Variants in SKI observed in about 807,000 individuals in gnomAD.
The protein encoded by SKI is ski oncogene.
A neutral mutation model predicts 59.3 loss-of-function variants in SKI; 23 were observed. The observed-to-expected ratio is 0.39, with a 90% CI of 0.28 to 0.55. SKI has a LOEUF of 0.55. Ranked by LOEUF, SKI falls within the 20% of genes least tolerant of loss-of-function variation. The pLI, the probability that SKI is intolerant of heterozygous loss-of-function variation, is 0.67. For synonymous variants in SKI, 673 were observed against 488.6 expected (o/e 1.38, Z -4.98); for missense variants, 1,017 against 1,038.9 (o/e 0.98, Z 0.29).
In SKI at chr1:2,307,686, A is replaced by AT. The variant is rs1640631375; in HGVS notation, c.*926dup. 1 of 152,058 alleles carries AT rather than the reference A, an allele frequency of 6.6e-6. No homozygotes were observed. The highest frequency in any genetic ancestry group is 1.5e-5 in the Non-Finnish European group (1 of 67,942). The allele number at this position is 152,058 out of a possible 1,614,324, so 9.4% of individuals were successfully genotyped here. On this transcript the variant is annotated 3_prime_UTR_variant, in exon 7 of 7. Coordinates refer to ENST00000378536, the MANE Select transcript of SKI (RefSeq NM_003036.4). Reference sequence around the variant, plus strand: ...ATTGGAACAAAAGAGCATTATTTCAATTTTTCTTTCTTTTTTTTTGTTCGT... The same window carrying AT: ...ATTGGAACAAAAGAGCATTATTTCAATTTTTTCTTTCTTTTTTTTTGTTCGT...
chr1:2,247,399 C>T (rs1414754897), intron 1 of SKI, among the ~76,000 whole-genome samples: 2 of 152,188 alleles, frequency 1.3e-5, no homozygotes, highest in Non-Finnish European at 2.9e-5. Flanking sequence ...CGTGCTTCTC[C>T]CTCCTTTCTT....
intron 1 of SKI, among the ~76,000 whole-genome samples, chr1:2,296,635 C>G (rs1270629691): frequency 6.6e-6 from 1 of 152,034 alleles, no homozygotes; most frequent in African/African-American, 2.4e-5. Context: ...GGTCCCTTAC[C>G]AGCTACCGGG....
At chr1:2,246,034 C>T (rs187414246) in intron 1 of SKI, among the ~76,000 whole-genome samples, 15 of 151,214 alleles carry the variant, frequency 9.9e-5, no homozygotes, top group East Asian at 3.9e-4. Flanking sequence ...GGCCTCAAGC[C>T]GTCATCCCGC....
At chr1:2,280,438 T>G (rs1043037056) in intron 1 of SKI, among the ~76,000 whole-genome samples, 1 of 151,908 alleles carries the variant, frequency 6.6e-6, no homozygotes, top group African/African-American at 2.4e-5. Context: ...CTACCCTCGT[T>G]GGGGAAGGCC....
At chr1:2,263,120 C>T (rs1049711151) in intron 1 of SKI, among the ~76,000 whole-genome samples, 2 of 152,050 alleles carry the variant, frequency 1.3e-5, no homozygotes, top group Admixed American at 6.6e-5. Flanking sequence ...AGGCTGGTCC[C>T]GAACTCCTGA....
At chr1:2,233,097 G>A (rs765999350) in intron 1 of SKI, among the ~76,000 whole-genome samples, 8 of 152,152 alleles carry the variant, frequency 5.3e-5, no homozygotes, top group Non-Finnish European at 1.2e-4. Flanking sequence ...CCCTTGTCCC[G>A]CAGAACGTCA....
At chr1:2,257,570 C>T (rs972398989) in intron 1 of SKI, among the ~76,000 whole-genome samples, 5 of 152,242 alleles carry the variant, frequency 3.3e-5, no homozygotes, top group Non-Finnish European at 5.9e-5. Context: ...TTCCTTCATC[C>T]AAGAGCCGGG....
intron 1 of SKI, among the ~76,000 whole-genome samples, chr1:2,256,577 C>A (rs1005944621): frequency 7.2e-5 from 11 of 152,224 alleles, no homozygotes; most frequent in African/African-American, 2.4e-4. Flanking sequence ...ACCTGAGTAG[C>A]CACAGCACAC....
At chr1:2,251,263 G>A in intron 1 of SKI, among the ~76,000 whole-genome samples, 1 of 152,188 alleles carries the variant, frequency 6.6e-6, no homozygotes, top group Non-Finnish European at 1.5e-5. Context: ...CTGCCCACAG[G>A]TCTGGGTATC....
chr1:2,244,778 A>C (rs1036497889), intron 1 of SKI, among the ~76,000 whole-genome samples: 5 of 152,204 alleles, frequency 3.3e-5, no homozygotes, highest in African/African-American at 1.2e-4. Flanking sequence ...TGACCATTAC[A>C]TGTAGCATTC....
intron 1 of SKI, among the ~76,000 whole-genome samples, chr1:2,252,010 G>A (rs1484262776): frequency 6.6e-6 from 1 of 152,140 alleles, no homozygotes; most frequent in African/African-American, 2.4e-5. Context: ...GCCGTGGCAC[G>A]TGGGAGTGAT....
At chr1:2,243,213 T>C (rs537025261) in intron 1 of SKI, among the ~76,000 whole-genome samples, 1 of 152,370 alleles carries the variant, frequency 6.6e-6, no homozygotes, top group Admixed American at 6.5e-5. Context: ...TGTTTTGGTA[T>C]CGCAAGAGAT....
At chr1:2,306,371 T>TC in intron 6 of SKI, 121 bp downstream of exon 6, 1 of 1,065,352 alleles carries the variant, frequency 9.4e-7, no homozygotes, top group Non-Finnish European at 1.3e-6. Flanking sequence ...GGGACCACGT[T>TC]CCGTGCGTGC....
At chr1:2,235,066 A>T (rs555180051) in intron 1 of SKI, among the ~76,000 whole-genome samples, 90 of 145,946 alleles carry the variant, frequency 6.2e-4, no homozygotes, top group Non-Finnish European at 1.0e-3. Flanking sequence ...TTTTTGAGAC[A>T]GGGTCTGTTT....
intron 1 of SKI, among the ~76,000 whole-genome samples, chr1:2,301,157 C>G (rs545651545): frequency 6.6e-6 from 1 of 152,298 alleles, no homozygotes; most frequent in East Asian, 1.9e-4. Flanking sequence ...CTGTGCCTCT[C>G]GGGAGGGTCC....
At chr1:2,252,618 C>T (rs1032466581) in intron 1 of SKI, among the ~76,000 whole-genome samples, 3 of 152,142 alleles carry the variant, frequency 2.0e-5, no homozygotes, top group African/African-American at 7.2e-5. Flanking sequence ...CCCTTGCTCA[C>T]GGTCCTTTCT....
In SKI at chr1:2,303,945, C is replaced by T. The variant is rs1446526482; in HGVS notation, c.1317C>T (p.Val439=). The T allele has an allele frequency of 3.7e-6, 6 of 1,611,796 alleles. No individual in the cohort carries two copies. Among genetic ancestry groups the T allele is most frequent in the South Asian group, 3.3e-5 (3 of 91,016 alleles). ...GCAGCCCTCCGTGTGCCGCCGCCGT[C>T]TCCCGGGCCCCCGAGCCTCTCGCCA... is the stretch of plus-strand genomic sequence containing the variant. The part of the protein sequence containing the change: ...VVSSPPCAAA[V]SRAPEPLATC... The change falls in exon 4 of 7, where the codon GTC becomes GTT. Residue 439 remains valine (V), a synonymous_variant. Transcript: ENST00000378536. This position sits in a 1 kb window ranked among gnomAD's most constrained non-coding sequence, Gnocchi z 5.6.
At chr1:2,232,988 C>T (rs994840229) in intron 1 of SKI, among the ~76,000 whole-genome samples, 2 of 152,162 alleles carry the variant, frequency 1.3e-5, no homozygotes, top group Non-Finnish European at 2.9e-5. Flanking sequence ...TGTAGGACTC[C>T]ATTGGACTAC....
At chr1:2,240,437 TGGC>T (rs1638845482) in intron 1 of SKI, 1 of 971,514 alleles carries the variant, frequency 1.0e-6, no homozygotes, top group Non-Finnish European at 1.2e-6. Flanking sequence ...CAGAAGCACT[TGGC>T]GGCAAGCCAC....
Sources: allele counts gnomAD v4.1 joint callset (sites outside exome capture counted in the v4.1 genomes callset), GRCh38; gene constraint gnomAD v4.1.1; non-coding constraint Gnocchi (gnomAD v3.1); transcripts MANE v1.5; gene names NCBI Gene and HGNC (gene_info 2026-07-23, HGNC 2026-07-21).